The following DNAH12 variants were observed in gnomAD, a reference collection of about 807,000 sequenced individuals.
DNAH12 encodes axonemal beta dynein heavy chain 12.
Under a neutral mutation model 371.5 loss-of-function variants are expected in DNAH12, and 285 were observed. The observed-to-expected ratio is 0.77, with a 90% CI of 0.70 to 0.85. The LOEUF (loss-of-function observed/expected upper bound fraction) is 0.85. Among genes scored for constraint, DNAH12 ranks in the 40% least tolerant of loss-of-function variants. The pLI is 0.00. For missense variants in DNAH12, 3,611 were observed against 3,689.4 expected, an observed-to-expected ratio of 0.98 and a Z score of 0.55; for synonymous variants, 1,200 against 1,213.0, an observed-to-expected ratio of 0.99 and a Z score of 0.22.
chr3:57,335,579 A>G (rs1251136879), intron 60 of DNAH12, among the ~76,000 whole-genome samples: 1 of 152,226 alleles, frequency 6.6e-6, no homozygotes, highest in African/African-American at 2.4e-5. Context: ...AAATCTGTAC[A>G]GCATATTACT....
chr3:57,381,807 G>A (rs2063397383), intron 50 of DNAH12, among the ~76,000 whole-genome samples: 1 of 152,000 alleles, frequency 6.6e-6, no homozygotes. Flanking sequence ...TTAGTTCCAA[G>A]CCCATGGTAG....
rs2061198298 is a variant in DNAH12, at chr3:57,294,730, A to G, written c.11693-759T>C. 2.0e-5 allele frequency among the ~76,000 whole-genome samples: 3 copies of G among 152,214 alleles called. No homozygotes were observed. The South Asian group carries it at 6.2e-4, about 32-fold the overall frequency. ...ACGTTTCTATTTGTTTTTAGCAGGT[A>G]AATAATAAGAAAAACATGTCAACTC... On this transcript the variant is annotated intron_variant, in intron 73 of 73. Coordinates refer to ENST00000495027, the MANE Select transcript of DNAH12 (RefSeq NM_001366028.2).
At chr3:57,470,395 A>G in intron 16 of DNAH12, 48 bp downstream of exon 16, 7 of 1,463,150 alleles carry the variant, frequency 4.8e-6, no homozygotes, top group Non-Finnish European at 5.4e-6. Context: ...TATTTTACAA[A>G]TTATTTTCTA....
intron 11 of DNAH12, among the ~76,000 whole-genome samples, 153 bp downstream of exon 11, chr3:57,501,168 T>C (rs574355789): frequency 1.3e-5 from 2 of 152,212 alleles, no homozygotes; most frequent in Admixed American, 1.3e-4. Flanking sequence ...AGTAAATGAA[T>C]GACTAAAGAA....
intron 69 of DNAH12, among the ~76,000 whole-genome samples, chr3:57,306,604 A>G (rs1458205383): frequency 1.3e-5 from 2 of 151,896 alleles, no homozygotes; most frequent in Non-Finnish European, 2.9e-5. Flanking sequence ...CTCCCTCCTT[A>G]GCGACCGATC....
rs528446261 is a variant in DNAH12 at position 57,419,244 on chromosome 3, A to G, written c.5714+123T>C. 9 of 991,656 alleles carry G rather than the reference A, an allele frequency of 9.1e-6. No individual in the cohort carries two copies. The East Asian group carries it at 2.6e-4, about 29-fold the overall frequency. 61.4% of individuals were successfully genotyped at this position (991,656 alleles called of 1,614,324 possible). A position where few individuals can be genotyped will look rare whatever the true frequency, so the allele number is the denominator to read the frequency against. On this transcript the variant is annotated intron_variant, in intron 37 of 73. Coordinates refer to ENST00000495027, the MANE Select transcript of DNAH12 (RefSeq NM_001366028.2). ...AACAGATGTCACTTTCAACATGCCAACAAGTCCCCCAGGATTTCAGTTACC... is the reference window on the plus strand; with the variant it reads ...AACAGATGTCACTTTCAACATGCCAGCAAGTCCCCCAGGATTTCAGTTACC...
rs902155403 is a variant in DNAH12, at chr3:57,509,861, T to TAAAAAAAAAAAAAAAA, written c.470-665_470-650dup. On this transcript the variant is annotated intron_variant, in intron 5 of 73. Transcript: ENST00000495027. ...TGGGCGACAGAGTGAGACTCCATCA[T>TAAAAAAAAAAAAAAAA]AAAAAAAAAAAAAAAAAAAAAAAAA... is the stretch of plus-strand genomic sequence containing the variant. Among the ~76,000 whole-genome samples, 61 of 46,556 alleles carry TAAAAAAAAAAAAAAAA rather than the reference T, an allele frequency of 1.3e-3. 1 individual carries two copies. Among genetic ancestry groups the TAAAAAAAAAAAAAAAA allele is most frequent in the Non-Finnish European group, 2.1e-3 (46 of 22,368 alleles). 30.5% of individuals were successfully genotyped at this position (46,556 alleles called of 152,430 possible).
chr3:57,406,092 T>C, intron 40 of DNAH12, 140 bp from the exon 41 acceptor site: 1 of 873,972 alleles, frequency 1.1e-6, no homozygotes, highest in Non-Finnish European at 1.7e-6. Flanking sequence ...GGCTCACATC[T>C]GTAATCGCAG....
At chr3:57,308,763 C>T (rs1401061669) in intron 69 of DNAH12, among the ~76,000 whole-genome samples, 1 of 152,214 alleles carries the variant, frequency 6.6e-6, no homozygotes, top group African/African-American at 2.4e-5. Flanking sequence ...TGAACCTCCT[C>T]AGGCACTCTC....
At position 57,412,588 on chromosome 3, in the gene DNAH12, AATG is replaced by A. The variant is rs1172362005; in HGVS notation, c.6020+1155_6020+1157del. 2.0e-5 allele frequency among the ~76,000 whole-genome samples: 3 copies of A among 152,220 alleles called. No homozygotes were observed. The East Asian group carries it at 5.8e-4, about 29-fold the overall frequency. ...AATATACAAAGAACTCTTAAAACTAAATGATAAGAAAGCAAACAACCCAATTTA... is the reference window on the plus strand; with the variant it reads ...AATATACAAAGAACTCTTAAAACTAAATAAGAAAGCAAACAACCCAATTTA... On this transcript the variant is annotated intron_variant, in intron 39 of 73. Coordinates refer to ENST00000495027, the MANE Select transcript of DNAH12 (RefSeq NM_001366028.2).
At chr3:57,357,420 GTA>G (rs1339571852) in intron 58 of DNAH12, 72 bp from the exon 59 acceptor site, 1 of 152,076 alleles carries the variant, frequency 6.6e-6, no homozygotes, top group Non-Finnish European at 1.5e-5. Context: ...ATATAATGAA[GTA>G]TATATATTTT....
At chr3:57,386,866 T>C (rs892730013) in intron 46 of DNAH12, among the ~76,000 whole-genome samples, 3 of 152,142 alleles carry the variant, frequency 2.0e-5, no homozygotes, top group African/African-American at 2.4e-5. Flanking sequence ...AACAAATATG[T>C]CTAATAAAAG....
chr3:57,502,927 G>A (rs1024721784), intron 9 of DNAH12, among the ~76,000 whole-genome samples: 5 of 151,814 alleles, frequency 3.3e-5, no homozygotes, highest in South Asian at 2.1e-4. Flanking sequence ...CAATCCGCCC[G>A]CCTCATCCTC....
intron 52 of DNAH12, among the ~76,000 whole-genome samples, chr3:57,378,833 G>A (rs951216403): frequency 6.6e-6 from 1 of 152,266 alleles, no homozygotes; most frequent in Non-Finnish European, 1.5e-5. Flanking sequence ...TCCCCTTGAT[G>A]TTTTAGATTT....
chr3:57,421,900 G>GTTTTTTT (rs1383551758), intron 35 of DNAH12, among the ~76,000 whole-genome samples, 194 bp from the exon 36 acceptor site: 1 of 97,716 alleles, frequency 1.0e-5, no homozygotes. Context: ...ATGTTTGCAT[G>GTTTTTTT]TCTTTTTTTT....
chr3:57,435,233 G>A (rs1359491750), intron 30 of DNAH12, among the ~76,000 whole-genome samples: 5 of 151,986 alleles, frequency 3.3e-5, no homozygotes, highest in East Asian at 3.9e-4. Flanking sequence ...TTAGCTGGGC[G>A]TGATGGCATG....
rs1199084899 is a variant in DNAH12 at position 57,321,001 on chromosome 3, C to T, written c.10524+1342G>A. On this transcript the variant is annotated intron_variant, in intron 65 of 73. Coordinates refer to ENST00000495027, the MANE Select transcript of DNAH12 (RefSeq NM_001366028.2). ...CAAATCCCAATACTTACGGTGCCAGCGTAGCTTGCTCAATGTTGTAATACC... is the reference window on the plus strand; with the variant it reads ...CAAATCCCAATACTTACGGTGCCAGTGTAGCTTGCTCAATGTTGTAATACC... Among the ~76,000 whole-genome samples the T allele has an allele frequency of 3.9e-5, 6 of 152,296 alleles. 1 individual carries two copies. The highest frequency in any genetic ancestry group is 6.8e-3 in the Middle Eastern group (2 of 294).
chr3:57,424,396 A>T (rs1575583232), intron 35 of DNAH12, among the ~76,000 whole-genome samples: 1 of 147,558 alleles, frequency 6.8e-6, no homozygotes, highest in African/African-American at 2.5e-5. Flanking sequence ...ACTTGAACCC[A>T]GGAGGCAGAG....
chr3:57,349,837 G>A (rs769264714), intron 60 of DNAH12, among the ~76,000 whole-genome samples: 17 of 152,050 alleles, frequency 1.1e-4, no homozygotes, highest in Non-Finnish European at 1.9e-4. Context: ...ACAGGCATGC[G>A]CCACCATGCC....
Sources: gnomAD v4.1 joint callset for allele counts (sites outside exome capture counted in the v4.1 genomes callset) on GRCh38, gnomAD v4.1.1 for gene constraint, MANE v1.5 for transcripts, NCBI Gene and HGNC (gene_info 2026-07-23, HGNC 2026-07-21) for gene names.